Variants in DPP10 observed in about 807,000 individuals in gnomAD.
DPP10 encodes the protein dipeptidyl peptidase like 10.
DPP10 carries 33 observed loss-of-function variants against 120.9 expected under a neutral mutation model. That is an observed-to-expected ratio of 0.27 (90% CI 0.21 to 0.37). The LOEUF (loss-of-function observed/expected upper bound fraction) is 0.37, where lower values mean the gene tolerates loss of function less well. Ranked by LOEUF, DPP10 falls within the 10% of genes least tolerant of loss-of-function variation. The pLI is 1.00. For missense variants in DPP10, 816 were observed against 942.8 expected, an observed-to-expected ratio of 0.87 and a Z score of 1.76; for synonymous variants, 337 against 326.1, an observed-to-expected ratio of 1.03 and a Z score of -0.36.
Position 115,836,739 on chromosome 2 carries a change from T to C in DPP10, c.2175T>C (p.Thr725=). ...AAAATATATTAATAATTCATGGAAC[T>C]GCTGACAGTAAGTATTATACTTGCC... is the stretch of plus-strand genomic sequence containing the variant. ...KEENILIIHG[T]ADTKVHFQHS... is the part of the protein sequence containing the mutation. The change falls in exon 24 of 26, where the codon ACT becomes ACC. Residue 725 remains threonine, a synonymous_variant. Coordinates refer to ENST00000410059, the MANE Select transcript of DPP10 (RefSeq NM_020868.6). 6.2e-7 allele frequency: 1 copy of C among 1,612,998 alleles called. No individual in the cohort carries two copies. Among genetic ancestry groups the C allele is most frequent in the Non-Finnish European group, 8.5e-7 (1 of 1,179,500 alleles).
chr2:115,177,347 T>C (rs1047586974), intron 1 of DPP10, among the ~76,000 whole-genome samples: 2 of 152,236 alleles, frequency 1.3e-5, no homozygotes, highest in African/African-American at 4.8e-5. Context: ...CTCCCGGTTT[T>C]TCAGTAACCT....
intron 3 of DPP10, among the ~76,000 whole-genome samples, chr2:115,381,876 G>T (rs1412165589): frequency 2.0e-5 from 3 of 151,852 alleles, no homozygotes; most frequent in Non-Finnish European, 4.4e-5. Context: ...GGGGTCAGGG[G>T]TCAGGGACCC....
chr2:114,541,297 T>C (rs1288248595), intron 1 of DPP10, among the ~76,000 whole-genome samples: 1 of 152,196 alleles, frequency 6.6e-6, no homozygotes, highest in Non-Finnish European at 1.5e-5. Context: ...TTCCATCCAG[T>C]GGTTTGTATG....
chr2:115,126,675 C>T (rs776282062), intron 1 of DPP10, among the ~76,000 whole-genome samples: 126 of 152,016 alleles, frequency 8.3e-4, no homozygotes, highest in Admixed American at 1.8e-3. Context: ...TGTTCCGATG[C>T]TCTCTCTCTT....
rs2150035923 is a variant in DPP10 at position 115,814,839 on chromosome 2, G to A, written c.1747G>A (p.Asp583Asn). ...GCTGGTTACAGATAAGTTCCATATTGACTGGGATTCCGTACTCATTGACAT... is the reference window on the plus strand; with the variant it reads ...GCTGGTTACAGATAAGTTCCATATTAACTGGGATTCCGTACTCATTGACAT... ...GQLVTDKFHI[D>N]WDSVLIDMDN... is the part of the protein sequence containing the mutation. The change falls in exon 20 of 26, where the codon GAC (aspartate) becomes AAC (asparagine). Residue 583 changes from aspartate (D) to asparagine (N), a missense_variant. By Grantham distance (23) the Asp-to-Asn change is conservative (BLOSUM62 1). Transcript: ENST00000410059. 3 of 1,594,932 alleles carry A rather than the reference G, an allele frequency of 1.9e-6. No homozygotes were observed. Among genetic ancestry groups the A allele is most frequent in the East Asian group, 4.5e-5 (2 of 44,558 alleles).
intron 1 of DPP10, among the ~76,000 whole-genome samples, chr2:115,288,965 A>G (rs987659194): frequency 6.6e-6 from 1 of 152,104 alleles, no homozygotes; most frequent in African/African-American, 2.4e-5. Context: ...AAGAGAAGGA[A>G]ATAAAGGACA....
At chr2:115,687,557 T>A (rs2091067342) in intron 5 of DPP10, among the ~76,000 whole-genome samples, 1 of 145,696 alleles carries the variant, frequency 6.9e-6, no homozygotes. Flanking sequence ...TATATGTTAC[T>A]GCATTCTGCT....
chr2:115,669,972 G>A (rs1022756456), intron 5 of DPP10, among the ~76,000 whole-genome samples: 4 of 152,114 alleles, frequency 2.6e-5, no homozygotes, highest in Non-Finnish European at 5.9e-5. Context: ...TACCACAGAT[G>A]GGTAGCTTAA....
chr2:114,888,179 AGTATCATAATAGCGCT>A (rs1467730322), intron 1 of DPP10, among the ~76,000 whole-genome samples: 2 of 151,678 alleles, frequency 1.3e-5, no homozygotes, highest in Non-Finnish European at 2.9e-5. Flanking sequence ...AAAGAAAATG[AGTATCATAATAGCGCT>A]GTATTAGAAG....
At chr2:115,798,723 C>A (rs934536047) in intron 19 of DPP10, among the ~76,000 whole-genome samples, 1 of 152,058 alleles carries the variant, frequency 6.6e-6, no homozygotes, top group Non-Finnish European at 1.5e-5. Context: ...AAGAAAACCA[C>A]AACCCAAATA....
chr2:115,786,839 A>G (rs943318471), intron 17 of DPP10, among the ~76,000 whole-genome samples: 1 of 152,210 alleles, frequency 6.6e-6, no homozygotes, highest in African/African-American at 2.4e-5. Flanking sequence ...AAGAAGCCAC[A>G]TGGAGAAAGA....
At chr2:114,608,974 T>C (rs1319075129) in intron 1 of DPP10, among the ~76,000 whole-genome samples, 1 of 152,086 alleles carries the variant, frequency 6.6e-6, no homozygotes, top group Non-Finnish European at 1.5e-5. Context: ...TAATTTGTAC[T>C]TTAAATCACA....
chr2:114,678,223 T>C (rs1310086699), intron 1 of DPP10, among the ~76,000 whole-genome samples: 2 of 152,084 alleles, frequency 1.3e-5, no homozygotes, highest in Non-Finnish European at 2.9e-5. Flanking sequence ...TAATTGATGA[T>C]AAAACCATGA....
At chr2:114,986,934 G>C (rs1184372562) in intron 1 of DPP10, among the ~76,000 whole-genome samples, 1 of 151,908 alleles carries the variant, frequency 6.6e-6, no homozygotes, top group East Asian at 1.9e-4. Flanking sequence ...ACCATGACTG[G>C]CTAATTTTTT....
At chr2:115,307,789 C>G (rs1187149250) in intron 1 of DPP10, among the ~76,000 whole-genome samples, 1 of 152,054 alleles carries the variant, frequency 6.6e-6, no homozygotes, top group East Asian at 1.9e-4. Context: ...GGTCACAAGG[C>G]AACTATTGAC....
chr2:115,333,517 A>G (rs1031940165), intron 2 of DPP10, among the ~76,000 whole-genome samples: 1 of 152,056 alleles, frequency 6.6e-6, no homozygotes, highest in Admixed American at 6.6e-5. Context: ...TCTTCCTAGC[A>G]TCAATGGTCT....
intron 3 of DPP10, among the ~76,000 whole-genome samples, chr2:115,397,201 G>T (rs576114868): frequency 6.6e-6 from 1 of 152,168 alleles, no homozygotes; most frequent in South Asian, 2.1e-4. Context: ...AGAAGTAAAA[G>T]AAAAATATAA....
intron 19 of DPP10, chr2:115,814,585 G>C: frequency 2.7e-6 from 1 of 375,496 alleles, no homozygotes; most frequent in Non-Finnish European, 4.7e-6. Context: ...TTCATTCAGG[G>C]AACTTTTCAA....
intron 7 of DPP10, among the ~76,000 whole-genome samples, chr2:115,701,213 G>C (rs2091874096): frequency 6.6e-6 from 1 of 152,036 alleles, no homozygotes; most frequent in Non-Finnish European, 1.5e-5. Flanking sequence ...ATTCAAAATA[G>C]TGTGACATAA....
Sources: gnomAD v4.1 joint callset for allele counts (sites outside exome capture counted in the v4.1 genomes callset) on GRCh38, gnomAD v4.1.1 for gene constraint, MANE v1.5 for transcripts, NCBI Gene and HGNC (gene_info 2026-07-23, HGNC 2026-07-21) for gene names.